The following ATP2C1 variants were observed in gnomAD, a reference collection of about 807,000 sequenced individuals.
The protein encoded by ATP2C1 is calcium-transporting ATPase type 2C member 1.
In ATP2C1, 31 loss-of-function variants were observed where a neutral mutation model predicts 120.5. The ratio of observed to expected loss-of-function variants is 0.26; its 90% CI spans 0.19 to 0.35. ATP2C1 has a LOEUF of 0.35. ATP2C1 is among the 10% of genes least tolerant of loss of function. The pLI, the probability that ATP2C1 is intolerant of heterozygous loss-of-function variation, is 1.00. For synonymous variants in ATP2C1, 351 were observed against 358.7 expected (o/e 0.98, Z 0.24); for missense variants, 731 against 1,107.5 (o/e 0.66, Z 4.83).
Position 130,998,359 on chromosome 3 carries a change from C to T in ATP2C1, c.2457C>T (p.Asp819=). 6.2e-7 allele frequency: 1 copy of T among 1,610,936 alleles called. No individual in the cohort carries two copies. Among genetic ancestry groups the T allele is most frequent in the East Asian group, 2.2e-5 (1 of 44,850 alleles). Residue 819 remains aspartate, a synonymous_variant, in exon 26 of 28, where the codon GAC becomes GAT. Coordinates refer to ENST00000510168, the MANE Select transcript of ATP2C1 (RefSeq NM_001378687.1). ...CCTTCACATGCTTTGTGTTTTTTGA[C>T]ATGTTCAATGCACTAAGTTCCAGAT... ...TMTFTCFVFF[D]MFNALSSRSQ...
At chr3:130,992,103 A>G (rs150478729) in intron 20 of ATP2C1, among the ~76,000 whole-genome samples, 59 of 152,322 alleles carry the variant, frequency 3.9e-4, no homozygotes, top group Middle Eastern at 3.4e-3. Flanking sequence ...GGAGCAGTGA[A>G]TGCTTACAGT....
chr3:130,963,906 A>G, intron 12 of ATP2C1, 65 bp from the exon 13 acceptor site: 1 of 1,601,962 alleles, frequency 6.2e-7, no homozygotes, highest in Non-Finnish European at 8.5e-7. Flanking sequence ...AGTAACATCC[A>G]ATTTAAATTT....
intron 18 of ATP2C1, among the ~76,000 whole-genome samples, chr3:130,976,350 T>C (rs2061528035): frequency 6.6e-6 from 1 of 152,152 alleles, no homozygotes; most frequent in African/African-American, 2.4e-5. Flanking sequence ...GCAGAGAACA[T>C]TGCTCCCAGC....
Position 130,894,223 on chromosome 3 carries a change from C to T in ATP2C1, c.-295C>T. ...TCTTCTCACGCCGGGAGCAGGCTCC[C>T]GCCTCGCACCGCTGCCCCGCGAGCA... On this transcript the variant is annotated 5_prime_UTR_variant, in exon 1 of 28. Transcript: ENST00000510168. This position sits in a 1 kb window ranked among gnomAD's most constrained non-coding sequence, Gnocchi z 4.5. 2 of 985,144 alleles carry T rather than the reference C, an allele frequency of 2.0e-6. No individual in the cohort carries two copies. The highest frequency in any genetic ancestry group is 2.4e-6 in the Non-Finnish European group (2 of 829,804). 61.0% of individuals were successfully genotyped at this position (985,144 alleles called of 1,614,324 possible).
chr3:130,934,578 C>T (rs1359691861), intron 4 of ATP2C1, 44 bp from the exon 5 acceptor site: 1 of 1,260,306 alleles, frequency 7.9e-7, no homozygotes, highest in South Asian at 1.2e-5. Flanking sequence ...AGAGAACTGT[C>T]ATGTACAAAA....
chr3:130,851,904 A>T (rs1235309434), intron 1 of ATP2C1, among the ~76,000 whole-genome samples: 1 of 152,216 alleles, frequency 6.6e-6, no homozygotes, highest in Non-Finnish European at 1.5e-5. Flanking sequence ...CACTTAATAA[A>T]ACACTTCCAG....
chr3:130,865,127 C>G (rs547427552), intron 1 of ATP2C1, among the ~76,000 whole-genome samples: 1 of 152,186 alleles, frequency 6.6e-6, no homozygotes, highest in African/African-American at 2.4e-5. Context: ...CATGGGCACC[C>G]AATCTTGCAT....
chr3:130,985,347 T>C (rs1317956069), intron 20 of ATP2C1, among the ~76,000 whole-genome samples: 1 of 151,558 alleles, frequency 6.6e-6, no homozygotes, highest in Non-Finnish European at 1.5e-5. Context: ...AAAAGAAAAA[T>C]AATGGCCGGG....
At chr3:130,950,478 T>C (rs951573814) in intron 8 of ATP2C1, among the ~76,000 whole-genome samples, 2 of 152,184 alleles carry the variant, frequency 1.3e-5, no homozygotes, top group African/African-American at 2.4e-5. Context: ...ATTGTGACTT[T>C]ATTAAACTGT....
At chr3:130,918,591 C>G (rs1055790722) in intron 2 of ATP2C1, 8 of 713,954 alleles carry the variant, frequency 1.1e-5, no homozygotes, top group Non-Finnish European at 2.1e-5. Context: ...TAAACTGTAG[C>G]CTTTTGGCCC....
At chr3:130,937,585 GT>G in intron 6 of ATP2C1, 122 bp downstream of exon 6, 1 of 816,450 alleles carries the variant, frequency 1.2e-6, no homozygotes, top group Non-Finnish European at 2.1e-6. Context: ...CTTATTCTTT[GT>G]TTTTCAAGTA....
At chr3:130,989,617 A>C (rs2062216653) in intron 20 of ATP2C1, among the ~76,000 whole-genome samples, 1 of 151,144 alleles carries the variant, frequency 6.6e-6, no homozygotes, top group South Asian at 2.1e-4. Context: ...GTTGGGACTC[A>C]TGAGCCGCTT....
intron 2 of ATP2C1, among the ~76,000 whole-genome samples, chr3:130,906,675 G>GTTT (rs35292140): frequency 5.2e-5 from 7 of 133,552 alleles, no homozygotes; most frequent in Non-Finnish European, 6.4e-5. Flanking sequence ...ACATTTTGCT[G>GTTT]TTTTTTTTTT....
intron 17 of ATP2C1, among the ~76,000 whole-genome samples, chr3:130,974,359 G>A (rs2061455179): frequency 1.3e-5 from 2 of 152,226 alleles, no homozygotes; most frequent in African/African-American, 2.4e-5. Context: ...GCAGATGGAA[G>A]CTCCATTTTA....
upstream of ATP2C1, chr3:130,893,983 A>C: frequency 1.0e-6 from 1 of 985,636 alleles, no homozygotes; most frequent in Non-Finnish European, 1.2e-6. Flanking sequence ...CAGCGGAAGT[A>C]ATAGTGACAA....
Position 130,994,124 on chromosome 3 carries a change from A to G in ATP2C1, c.2057+26A>G, listed in dbSNP as rs755062680. ...GTAAGCTTTGTTTCAGTGAATGCCT[A>G]TCAGAGAATCTTCCCCTATCCTTTC... On this transcript the variant is annotated intron_variant, in intron 22 of 27. Coordinates refer to ENST00000510168, the MANE Select transcript of ATP2C1 (RefSeq NM_001378687.1). 17 of 1,613,156 alleles carry G rather than the reference A, an allele frequency of 1.1e-5. 1 individual carries two copies. The South Asian group carries it at 1.1e-4, about 10-fold the overall frequency.
At chr3:130,867,580 A>G (rs862368) in intron 1 of ATP2C1, among the ~76,000 whole-genome samples, 146,853 of 148,396 alleles carry the variant, frequency 0.99, 72,659 homozygotes, top group East Asian at 1. Flanking sequence ...ACGGAGTCTC[A>G]TTCACTCAGT....
At chr3:130,960,091 A>C (rs1262124286) in intron 12 of ATP2C1, among the ~76,000 whole-genome samples, 1 of 152,180 alleles carries the variant, frequency 6.6e-6, no homozygotes. Flanking sequence ...ACCTTGATAC[A>C]TAATTGTGAA....
At chr3:130,930,105 C>G in intron 2 of ATP2C1, 1 of 383,766 alleles carries the variant, frequency 2.6e-6, no homozygotes, top group Non-Finnish European at 5.0e-6. Context: ...TCATCAGGAT[C>G]TGCTAGACAG....
Sources: gnomAD v4.1 joint callset for allele counts (sites outside exome capture counted in the v4.1 genomes callset) on GRCh38, gnomAD v4.1.1 for gene constraint, Gnocchi (gnomAD v3.1) non-coding constraint, MANE v1.5 for transcripts, NCBI Gene and HGNC (gene_info 2026-07-23, HGNC 2026-07-21) for gene names.